Variants in DENND10 observed in about 807,000 individuals in gnomAD.
The protein encoded by DENND10 is DENN domain-containing protein 10.
Under a neutral mutation model 43.6 loss-of-function variants are expected in DENND10, and 24 were observed. That is an observed-to-expected ratio of 0.55 (90% CI 0.40 to 0.77). The LOEUF (loss-of-function observed/expected upper bound fraction) is 0.77, where lower values mean the gene tolerates loss of function less well. Among genes scored for constraint, DENND10 ranks in the 30% least tolerant of loss-of-function variants. The probability of loss-of-function intolerance (pLI) is 0.00; values close to 1 mark genes in which losing one functional copy is unlikely to be tolerated. For synonymous variants in DENND10, 125 were observed against 157.6 expected (o/e 0.79, Z 1.55); for missense variants, 303 against 429.9 (o/e 0.70, Z 2.61).
At position 119,104,180 on chromosome 10, in the gene DENND10, T is replaced by C. The variant is rs143581957; in HGVS notation, c.38T>C (p.Leu13Pro). The change falls in exon 1 of 9, where the codon CTT (leucine) becomes CCT (proline). Residue 13 changes from leucine (L) to proline (P), a missense_variant. Physicochemically the swap from Leu to Pro is moderately conservative, Grantham distance 98. Transcript: ENST00000361432. ...AAEVADTQLM[L>P]GVGLIEKDTN... ...GAGGTGGCGGACACTCAGCTGATGC[T>C]TGGAGTCGGGCTGATCGGTGAGGAC... The C allele has an allele frequency of 3.4e-4, 514 of 1,524,284 alleles. 2 individuals are homozygous for C. In the African/African-American group the frequency reaches 6.5e-3, roughly 19 times the overall value. 94.4% of individuals were successfully genotyped at this position (1,524,284 alleles called of 1,614,324 possible).
At chr10:119,124,293 A>G (rs138628378) in intron 6 of DENND10, among the ~76,000 whole-genome samples, 9,239 of 148,714 alleles carry the variant, frequency 0.062, 765 homozygotes, top group African/African-American at 0.19. Flanking sequence ...TAGGAGGCTG[A>G]GGCAAGTGGA....
In DENND10 at chr10:119,132,583, G is replaced by C. The variant is rs755029703; in HGVS notation, c.871G>C (p.Glu291Gln). Residue 291 changes from glutamate to glutamine, a missense_variant, in exon 8 of 9, where the codon GAG (glutamate) becomes CAG (glutamine). Physicochemically the swap from Glu to Gln is conservative, Grantham distance 29. Coordinates refer to ENST00000361432, the MANE Select transcript of DENND10 (RefSeq NM_207009.4). The surrounding 1 kb of genome is among the most constrained non-coding windows in gnomAD (Gnocchi z 4.2). ...QLIVQSAEDP[E>Q]KSESHVIQDI... Reference sequence around the variant, plus strand: ...AATTGTTCAGTCTGCAGAAGATCCAGAGAAATCAGAGAGCCACGTTATACA... The same window carrying C: ...AATTGTTCAGTCTGCAGAAGATCCACAGAAATCAGAGAGCCACGTTATACA... The C allele has an allele frequency of 2.5e-5, 40 of 1,614,042 alleles. No homozygotes were observed. The highest frequency in any genetic ancestry group is 3.2e-5 in the Non-Finnish European group (38 of 1,179,996).
At chr10:119,119,496 C>A (rs1221624835) in intron 4 of DENND10, among the ~76,000 whole-genome samples, 1 of 152,072 alleles carries the variant, frequency 6.6e-6, no homozygotes, top group East Asian at 1.9e-4. Context: ...AGGCTGGTGT[C>A]AAACTCCTGA....
In DENND10 at chr10:119,136,744, T is replaced by C; in HGVS notation, c.*97T>C. ...GAAGTCCTGAAAATAACAGAGAAAC[T>C]GTTATATCTTTTTAATGATTTATTT... is the stretch of plus-strand genomic sequence containing the variant. On this transcript the variant is annotated 3_prime_UTR_variant, in exon 9 of 9. Transcript: ENST00000361432. 2 of 599,536 alleles carry C rather than the reference T, an allele frequency of 3.3e-6. No homozygotes were observed. Among genetic ancestry groups the C allele is most frequent in the Non-Finnish European group, 5.7e-6 (2 of 349,416 alleles). 37.1% of individuals were successfully genotyped at this position (599,536 alleles called of 1,614,324 possible).
chr10:119,115,358 G>C (rs11198783), intron 3 of DENND10, among the ~76,000 whole-genome samples: 74,804 of 138,046 alleles, frequency 0.54, 21,448 homozygotes, highest in Middle Eastern at 0.67. Flanking sequence ...CTTTTTTTCC[G>C]TCAAGTTGTG....
Position 119,117,683 on chromosome 10 carries a change from A to G in DENND10, c.481+16A>G, listed in dbSNP as rs1373102013. On this transcript the variant is annotated intron_variant, in intron 4 of 8. Transcript: ENST00000361432. ...TCCATCAAAGGTAAGAAGGGAAAAA[A>G]CAGGCCAGGGACGGTGGCTCACGCC... The G allele has an allele frequency of 2.5e-6, 4 of 1,612,912 alleles. No individual in the cohort carries two copies. Among genetic ancestry groups the G allele is most frequent in the Admixed American group, 1.7e-5 (1 of 59,942 alleles).
At position 119,129,515 on chromosome 10, in the gene DENND10, G is replaced by T; in HGVS notation, c.695G>T (p.Gly232Val). 1.2e-6 allele frequency: 2 copies of T among 1,608,988 alleles called. No individual in the cohort carries two copies. The highest frequency in any genetic ancestry group is 8.5e-7 in the Non-Finnish European group (1 of 1,175,310). ...AAGGTTGCTCATGTTTGTGATGCAG[G>T]TTACGTCGCTGGATTTGTAGACTTG... ...DELEALQMCT[G>V]YVAGFVDLEV... is the part of the protein sequence containing the mutation. The change falls in exon 7 of 9, where the codon GGT becomes GTT. Residue 232 changes from glycine to valine, a missense_variant and splice_region_variant. By Grantham distance (109) the Gly-to-Val change is moderately radical. Coordinates refer to ENST00000361432, the MANE Select transcript of DENND10 (RefSeq NM_207009.4).
rs142410714 is a variant in DENND10 at position 119,111,913 on chromosome 10, C to T, written c.317C>T (p.Thr106Ile). 2.6e-4 allele frequency: 420 copies of T among 1,610,776 alleles called. No individual in the cohort carries two copies. In the African/African-American group the frequency reaches 3.5e-3, roughly 13 times the overall value. The change falls in exon 3 of 9, where the codon ACT becomes ATT. Residue 106 changes from threonine (T) to isoleucine (I), a missense_variant. Physicochemically the swap from Thr to Ile is moderately conservative, Grantham distance 89. Coordinates refer to ENST00000361432, the MANE Select transcript of DENND10 (RefSeq NM_207009.4). The stretch of plus-strand genomic sequence containing the variant: ...AACCCAGAGAAGTATGCTGCCTTCA[C>T]TAGGATATTGTGTAGGTCTGTATAA... ...DFNPEKYAAF[T>I]RILCRMYLKH...
intron 2 of DENND10, among the ~76,000 whole-genome samples, chr10:119,108,927 A>G (rs1844833576): frequency 8.3e-6 from 1 of 120,788 alleles, no homozygotes; most frequent in Admixed American, 1.0e-4. Flanking sequence ...AGAATTTAGA[A>G]AGGCAGGCCG....
Position 119,129,597 on chromosome 10 carries a change from G to A in DENND10, c.777G>A (p.Glu259=). ...YDVFVNLAES[E]ITIAPLAKEA... ...TGTTTGTGAATCTGGCAGAGAGTGA[G>A]ATTACCATTGCTCCCCTTGCAAAAG... The change falls in exon 7 of 9, where the codon GAG becomes GAA. Residue 259 remains glutamate (E), a synonymous_variant. Transcript: ENST00000361432. 1 of 1,611,418 alleles carries A rather than the reference G, an allele frequency of 6.2e-7. No homozygotes were observed. The highest frequency in any genetic ancestry group is 8.5e-7 in the Non-Finnish European group (1 of 1,177,548).
intron 8 of DENND10, 110 bp from the exon 9 acceptor site, chr10:119,136,361 C>A (rs906745329): frequency 2.3e-6 from 3 of 1,317,938 alleles, no homozygotes; most frequent in Admixed American, 2.7e-5. Flanking sequence ...ACGCCAAGCT[C>A]ATTTTTCATA....
In DENND10 at chr10:119,108,096, G is replaced by C. The variant is rs1844784673; in HGVS notation, c.184G>C (p.Gly62Arg). The change falls in exon 2 of 9, where the codon GGT becomes CGT. Residue 62 changes from glycine (G) to arginine (R), a missense_variant. Physicochemically the swap from Gly to Arg is moderately radical, Grantham distance 125. Coordinates refer to ENST00000361432, the MANE Select transcript of DENND10 (RefSeq NM_207009.4). ...ENKLLHPFVF[G>R]QYRRTWFYIT... ...CAAACTTCTCCATCCCTTTGTCTTT[G>C]GTCAGTACAGAAGAACATGGTTTTA... 2 of 1,613,826 alleles carry C rather than the reference G, an allele frequency of 1.2e-6. No homozygotes were observed. The highest frequency in any genetic ancestry group is 1.7e-6 in the Non-Finnish European group (2 of 1,179,788).
At chr10:119,128,203 C>T (rs1845915641) in intron 6 of DENND10, among the ~76,000 whole-genome samples, 1 of 151,986 alleles carries the variant, frequency 6.6e-6, no homozygotes, top group Admixed American at 6.6e-5. Context: ...GTCCCAGCTA[C>T]TCAGAAGGCT....
chr10:119,125,737 A>T (rs1845800705), intron 6 of DENND10, among the ~76,000 whole-genome samples: 1 of 151,800 alleles, frequency 6.6e-6, no homozygotes, highest in African/African-American at 2.4e-5. Flanking sequence ...GGCTGGTCTC[A>T]AACTTCTGAC....
chr10:119,136,672 T>A lies in DENND10; in HGVS notation c.*25T>A, dbSNP rs760599142. Reference sequence around the variant, plus strand: ...ACTGTGTGACAGAACGTATCACTGATGACTGATAGAAAGCCCTCTTTCACT... The same window carrying A: ...ACTGTGTGACAGAACGTATCACTGAAGACTGATAGAAAGCCCTCTTTCACT... On this transcript the variant is annotated 3_prime_UTR_variant, in exon 9 of 9. Transcript: ENST00000361432. The A allele has an allele frequency of 3.2e-6, 4 of 1,236,916 alleles. No homozygotes were observed. Among genetic ancestry groups the A allele is most frequent in the Non-Finnish European group, 3.4e-6 (3 of 895,290 alleles). The allele number at this position is 1,236,916 out of a possible 1,614,324, so 76.6% of individuals were successfully genotyped here.
At chr10:119,115,973 G>A (rs1038255704) in intron 3 of DENND10, among the ~76,000 whole-genome samples, 1 of 151,650 alleles carries the variant, frequency 6.6e-6, no homozygotes, top group Admixed American at 6.6e-5. Flanking sequence ...CGTGTTGCCC[G>A]GGCTGGTCTC....
chr10:119,121,330 T>A (rs1242151039), intron 5 of DENND10, among the ~76,000 whole-genome samples: 1 of 151,592 alleles, frequency 6.6e-6, no homozygotes, highest in African/African-American at 2.4e-5. Context: ...CGAGATGGGG[T>A]TTCTGGGGTC....
At chr10:119,117,805 A>C (rs920026240) in intron 4 of DENND10, 138 bp downstream of exon 4, 1 of 770,922 alleles carries the variant, frequency 1.3e-6, no homozygotes, top group Non-Finnish European at 2.0e-6. Flanking sequence ...GTCTCCACTA[A>C]AAATACAAAA....
chr10:119,122,334 T>G (rs1360596695), intron 5 of DENND10, among the ~76,000 whole-genome samples: 5 of 152,158 alleles, frequency 3.3e-5, no homozygotes, highest in Non-Finnish European at 7.3e-5. Flanking sequence ...GTATTGATTG[T>G]TTCTGAGCCT....
Sources: gnomAD v4.1 joint callset for allele counts (sites outside exome capture counted in the v4.1 genomes callset) on GRCh38, gnomAD v4.1.1 for gene constraint, Gnocchi (gnomAD v3.1) non-coding constraint, MANE v1.5 for transcripts, NCBI Gene and HGNC (gene_info 2026-07-23, HGNC 2026-07-21) for gene names.